IMMP2L: variants seen among roughly 807,000 people sequenced by gnomAD.
The protein encoded by IMMP2L is inner mitochondrial membrane peptidase subunit 2.
A neutral mutation model predicts 19.3 loss-of-function variants in IMMP2L; 18 were observed. The observed-to-expected ratio is 0.93, with a 90% CI of 0.64 to 1.38. The LOEUF (loss-of-function observed/expected upper bound fraction) is 1.38, where lower values mean the gene tolerates loss of function less well. IMMP2L is among the 40% of genes most tolerant of loss of function. IMMP2L has a pLI of 0.00. For missense variants in IMMP2L, 233 were observed against 218.2 expected, an observed-to-expected ratio of 1.07 and a Z score of -0.43; for synonymous variants, 76 against 73.0, an observed-to-expected ratio of 1.04 and a Z score of -0.21.
At chr7:111,124,932 CAA>C (rs398005852) in intron 3 of IMMP2L, 2,815 of 872,378 alleles carry the variant, frequency 3.2e-3, no homozygotes, top group South Asian at 6.0e-3. Context: ...CAAAAATGAA[CAA>C]AAAAAAAAAA....
At chr7:110,754,714 C>A (rs529024892) in intron 5 of IMMP2L, among the ~76,000 whole-genome samples, 1 of 151,992 alleles carries the variant, frequency 6.6e-6, no homozygotes, top group East Asian at 1.9e-4. Context: ...TATACAAAAG[C>A]AAATTTTCAA....
At chr7:110,856,514 T>G (rs1806788073) in intron 5 of IMMP2L, among the ~76,000 whole-genome samples, 1 of 152,062 alleles carries the variant, frequency 6.6e-6, no homozygotes, top group Non-Finnish European at 1.5e-5. Context: ...GACATTATTT[T>G]ATCTGATACA....
rs1326556271 is a variant in IMMP2L, at chr7:111,394,118, TAC to T, written c.239+93118_239+93119del. ...TCATCTCTGGAATCAAGATATATCT[TAC>T]AGTCGATAATATCATAGTTTAACTG... On this transcript the variant is annotated intron_variant, in intron 3 of 5. Transcript: ENST00000405709. Among the ~76,000 whole-genome samples the T allele has an allele frequency of 2.0e-5, 3 of 152,162 alleles. No homozygotes were observed. The East Asian group carries it at 5.8e-4, about 29-fold the overall frequency.
At chr7:111,063,199 A>G (rs1036957468) in intron 3 of IMMP2L, among the ~76,000 whole-genome samples, 3 of 152,168 alleles carry the variant, frequency 2.0e-5, no homozygotes, top group Admixed American at 6.5e-5. Context: ...CTTGACTTCT[A>G]TGCACCTGCA....
At chr7:111,170,199 G>C (rs1806275546) in intron 3 of IMMP2L, among the ~76,000 whole-genome samples, 1 of 151,696 alleles carries the variant, frequency 6.6e-6, no homozygotes, top group Admixed American at 6.6e-5. Flanking sequence ...AAGAATATAA[G>C]GTCTCTCTCT....
chr7:110,695,672 T>C (rs541970690), intron 5 of IMMP2L, among the ~76,000 whole-genome samples: 91 of 152,226 alleles, frequency 6.0e-4, no homozygotes, highest in Middle Eastern at 3.4e-3. Context: ...GAAAAGGATA[T>C]GCTTCTAGAA....
intron 5 of IMMP2L, among the ~76,000 whole-genome samples, chr7:110,883,843 A>G (rs17158109): frequency 0.04 from 6,105 of 152,154 alleles, 397 homozygotes; most frequent in African/African-American, 0.14. Flanking sequence ...AGTTGCTCTC[A>G]ATTTAAAGCT....
intron 3 of IMMP2L, among the ~76,000 whole-genome samples, chr7:111,289,310 C>A (rs867602849): frequency 1.3e-5 from 2 of 151,664 alleles, no homozygotes; most frequent in African/African-American, 4.8e-5. Flanking sequence ...AGGATAAATA[C>A]CTAATGTAGA....
chr7:111,508,797 A>G (rs1445775549), intron 2 of IMMP2L, among the ~76,000 whole-genome samples: 1 of 152,166 alleles, frequency 6.6e-6, no homozygotes, highest in Non-Finnish European at 1.5e-5. Flanking sequence ...AATCATGCCA[A>G]ATAGGCAAGT....
In IMMP2L at chr7:110,924,416, C is replaced by G. The variant is rs1390070953; in HGVS notation, c.306-37721G>C. ...GCCAACGGAGTCCTGCAATGACATACCAGACTCATTAAAGGGGCCCCATCC... is the reference window on the plus strand; with the variant it reads ...GCCAACGGAGTCCTGCAATGACATAGCAGACTCATTAAAGGGGCCCCATCC... On this transcript the variant is annotated intron_variant, in intron 4 of 5. Transcript: ENST00000405709. The surrounding 1 kb of genome is among the most constrained non-coding windows in gnomAD (Gnocchi z 4.2). Among the ~76,000 whole-genome samples the G allele has an allele frequency of 2.6e-5, 4 of 152,056 alleles. No individual in the cohort carries two copies. Among genetic ancestry groups the G allele is most frequent in the Non-Finnish European group, 1.5e-5 (1 of 67,996 alleles).
chr7:110,934,888 G>A (rs1349892435), intron 4 of IMMP2L, among the ~76,000 whole-genome samples: 1 of 152,126 alleles, frequency 6.6e-6, no homozygotes, highest in Non-Finnish European at 1.5e-5. Flanking sequence ...GCCTATGTGT[G>A]TCTTTGCATG....
intron 5 of IMMP2L, among the ~76,000 whole-genome samples, chr7:110,884,524 T>C (rs1382391566): frequency 6.6e-6 from 1 of 152,050 alleles, no homozygotes; most frequent in East Asian, 1.9e-4. Context: ...CATGGGACGA[T>C]AGGACATTTT....
chr7:111,317,330 T>C (rs1051705856), intron 3 of IMMP2L, among the ~76,000 whole-genome samples: 1 of 152,118 alleles, frequency 6.6e-6, no homozygotes, highest in African/African-American at 2.4e-5. Context: ...AAGATTCTAA[T>C]TGTCAGTATA....
intron 3 of IMMP2L, among the ~76,000 whole-genome samples, chr7:111,151,226 T>C (rs748859226): frequency 2.6e-5 from 4 of 152,226 alleles, no homozygotes; most frequent in Non-Finnish European, 4.4e-5. Context: ...AAGGCCTCAG[T>C]TCTACTGATA....
At chr7:110,735,684 A>C in intron 5 of IMMP2L, among the ~76,000 whole-genome samples, 1 of 20,488 alleles carries the variant, frequency 4.9e-5, no homozygotes, top group African/African-American at 8.3e-5. Flanking sequence ...AGACAAATAC[A>C]CACACACACA....
intron 5 of IMMP2L, among the ~76,000 whole-genome samples, chr7:110,786,221 A>T (rs1800067482): frequency 6.6e-6 from 1 of 152,006 alleles, no homozygotes; most frequent in Non-Finnish European, 1.5e-5. Flanking sequence ...AAGCTGTATC[A>T]AATATAATAC....
At chr7:110,983,769 C>G (rs1166998902) in intron 3 of IMMP2L, among the ~76,000 whole-genome samples, 3 of 151,910 alleles carry the variant, frequency 2.0e-5, no homozygotes, top group African/African-American at 7.2e-5. Context: ...AAGGACCCTC[C>G]TCTGTCCACA....
chr7:111,297,030 C>T lies in IMMP2L; in HGVS notation c.239+190208G>A, dbSNP rs1028443450. Among the ~76,000 whole-genome samples, 9 of 151,384 alleles carry T rather than the reference C, an allele frequency of 5.9e-5. 1 individual carries two copies. Among genetic ancestry groups the T allele is most frequent in the South Asian group, 2.1e-4 (1 of 4,792 alleles). ...CAGATTAGTGGTTGCCAAGGGCCCA[C>T]AAAAGTGGAGAGGAAATGGAGAAAA... is the stretch of plus-strand genomic sequence containing the variant. On this transcript the variant is annotated intron_variant, in intron 3 of 5. Transcript: ENST00000405709.
chr7:111,104,259 A>G (rs575257219), intron 3 of IMMP2L, among the ~76,000 whole-genome samples: 3 of 151,840 alleles, frequency 2.0e-5, no homozygotes, highest in South Asian at 2.1e-4. Flanking sequence ...GACAAAAGTC[A>G]TATGATTTTC....
Sources: allele counts gnomAD v4.1 joint callset (sites outside exome capture counted in the v4.1 genomes callset), GRCh38; gene constraint gnomAD v4.1.1; non-coding constraint Gnocchi (gnomAD v3.1); transcripts MANE v1.5; gene names NCBI Gene and HGNC (gene_info 2026-07-23, HGNC 2026-07-21).